Variants in DIO2 observed in about 807,000 individuals in gnomAD.
The protein encoded by DIO2 is type II iodothyronine deiodinase.
DIO2 carries 19 observed loss-of-function variants against 21.4 expected under a neutral mutation model. That is an observed-to-expected ratio of 0.89 (90% confidence interval 0.62 to 1.30). DIO2 has a LOEUF of 1.30. DIO2 is among the 50% of genes most tolerant of loss of function. The pLI, the probability that DIO2 is intolerant of heterozygous loss-of-function variation, is 0.00. For missense variants in DIO2, 302 were observed against 338.1 expected, an observed-to-expected ratio of 0.89 and a Z score of 0.84; for synonymous variants, 122 against 132.9, an observed-to-expected ratio of 0.92 and a Z score of 0.57.
intron 1 of DIO2, among the ~76,000 whole-genome samples, chr14:80,203,961 C>T (rs1462239227): frequency 6.6e-6 from 1 of 152,150 alleles, no homozygotes; most frequent in East Asian, 1.9e-4. Context: ...AACTGGAGGA[C>T]AACATGAGAA....
At chr14:80,223,309 C>T (rs1888504180) in intron 2 of DIO2, among the ~76,000 whole-genome samples, 1 of 152,160 alleles carries the variant, frequency 6.6e-6, no homozygotes, top group Non-Finnish European at 1.5e-5. Flanking sequence ...GATGAAGTTA[C>T]ATACCTTGTC....
rs531919830 is a variant in DIO2, at chr14:80,198,771, G to GGAAAA, written c.*3917_*3918insTTTTC. On this transcript the variant is annotated 3_prime_UTR_variant, in exon 2 of 2. Transcript: ENST00000438257. ...CTGACTTTTGGCCATACCATTTAGGGAAAAAAAAAAAAAAAAAAAAACCTC... is the reference window on the plus strand; with the variant it reads ...CTGACTTTTGGCCATACCATTTAGGGGAAAAAAAAAAAAAAAAAAAAAAAAACCTC... 9.6e-6 allele frequency: 1 copy of GGAAAA among 104,142 alleles called. No homozygotes were observed. 6.5% of individuals were successfully genotyped at this position (104,142 alleles called of 1,614,324 possible).
At chr14:80,222,604 T>C (rs1041909675) in intron 2 of DIO2, among the ~76,000 whole-genome samples, 2 of 152,216 alleles carry the variant, frequency 1.3e-5, no homozygotes, top group Non-Finnish European at 2.9e-5. Context: ...TTCTTGAATG[T>C]TTTAGTTAGC....
rs1234558372 is a variant in DIO2 at position 80,199,569 on chromosome 14, T to C, written c.*3120A>G. On this transcript the variant is annotated 3_prime_UTR_variant, in exon 2 of 2. Transcript: ENST00000438257. ...ATTACTGTGCGGGCATCTCCATTCA[T>C]GCCCATTCAAGAAAATCATTGTTGA... 1 of 152,410 alleles carries C rather than the reference T, an allele frequency of 6.6e-6. No homozygotes were observed. The highest frequency in any genetic ancestry group is 1.5e-5 in the Non-Finnish European group (1 of 68,024). The allele number at this position is 152,410 out of a possible 1,614,324, so 9.4% of individuals were successfully genotyped here.
chr14:80,207,286 A>G (rs923917596), intron 1 of DIO2, among the ~76,000 whole-genome samples: 1 of 152,226 alleles, frequency 6.6e-6, no homozygotes, highest in South Asian at 2.1e-4. Context: ...TGTTCAGTGC[A>G]TGGGGAAAAA....
intron 2 of DIO2, among the ~76,000 whole-genome samples, chr14:80,229,988 G>C (rs555389118): frequency 6.6e-6 from 1 of 152,164 alleles, no homozygotes; most frequent in Non-Finnish European, 1.5e-5. Context: ...AAGCAAACAG[G>C]GGTGTTGGGG....
chr14:80,206,274 T>C (rs1887953429), intron 1 of DIO2: 1 of 1,584,748 alleles, frequency 6.3e-7, no homozygotes, highest in Non-Finnish European at 8.6e-7. Context: ...TCTGCTTTTA[T>C]AAGCTTCATA....
intron 2 of DIO2, among the ~76,000 whole-genome samples, chr14:80,224,437 A>G (rs759784920): frequency 2.0e-5 from 3 of 151,704 alleles, no homozygotes; most frequent in Non-Finnish European, 4.4e-5. Context: ...ATCCTAGATT[A>G]TCTGAAGGTC....
At chr14:80,211,144 T>C (rs570685629) in intron 1 of DIO2, 107 bp downstream of exon 1, 30 of 1,080,966 alleles carry the variant, frequency 2.8e-5, no homozygotes, top group African/African-American at 2.5e-4. Context: ...ACCCCACAAA[T>C]AGGGCTTCAC....
intron 2 of DIO2, among the ~76,000 whole-genome samples, chr14:80,230,097 A>C (rs976113435): frequency 6.6e-6 from 1 of 152,128 alleles, no homozygotes; most frequent in East Asian, 1.9e-4. Context: ...CTCCTCAGAC[A>C]AAGGTGGAAA....
intron 2 of DIO2, among the ~76,000 whole-genome samples, chr14:80,218,250 A>C (rs1398989730): frequency 6.6e-6 from 1 of 151,914 alleles, no homozygotes; most frequent in Non-Finnish European, 1.5e-5. Flanking sequence ...AAAAAAAAAC[A>C]GATCCTGGCA....
At chr14:80,214,918 G>A (rs1265871782), upstream of DIO2, among the ~76,000 whole-genome samples, 1 of 152,012 alleles carries the variant, frequency 6.6e-6, no homozygotes. Flanking sequence ...TTTCTTTAAT[G>A]TCTGTTATGG....
chr14:80,218,343 G>C (rs909713121), intron 2 of DIO2, among the ~76,000 whole-genome samples: 1 of 152,010 alleles, frequency 6.6e-6, no homozygotes, highest in Non-Finnish European at 1.5e-5. Flanking sequence ...GTAGAAAATA[G>C]AAAAAATTAT....
In DIO2 at chr14:80,201,885, T is replaced by G. The variant is rs1887739455; in HGVS notation, c.*804A>C. On this transcript the variant is annotated 3_prime_UTR_variant, in exon 2 of 2. Transcript: ENST00000438257. ...GCTCCTTCTTCTTTTTCTGGCCTTG[T>G]GTATGTTTCTATGTTTCCGTGGCTA... 1.3e-5 allele frequency: 2 copies of G among 154,098 alleles called. No individual in the cohort carries two copies. The highest frequency in any genetic ancestry group is 1.3e-4 in the Admixed American group (2 of 15,458). The allele number at this position is 154,098 out of a possible 1,614,324, so 9.5% of individuals were successfully genotyped here.
At chr14:80,231,010 A>G (rs1352711087) in intron 2 of DIO2, 1 of 152,216 alleles carries the variant, frequency 6.6e-6, no homozygotes, top group East Asian at 1.9e-4. Flanking sequence ...GGCAGGAAGC[A>G]TCCAGCACTG....
At chr14:80,217,077 T>A (rs1300303380) in intron 2 of DIO2, among the ~76,000 whole-genome samples, 1 of 152,140 alleles carries the variant, frequency 6.6e-6, no homozygotes, top group Non-Finnish European at 1.5e-5. Flanking sequence ...CCCTCAAGAA[T>A]CAGTACACTA....
At chr14:80,209,161 G>A (rs1212223367) in intron 1 of DIO2, among the ~76,000 whole-genome samples, 2 of 152,034 alleles carry the variant, frequency 1.3e-5, no homozygotes, top group South Asian at 2.1e-4. Flanking sequence ...TATTGAAGAC[G>A]TATTTGTTTG....
At chr14:80,216,458 GC>G (rs1374035252), upstream of DIO2, among the ~76,000 whole-genome samples, 1 of 152,104 alleles carries the variant, frequency 6.6e-6, no homozygotes, top group African/African-American at 2.4e-5. Context: ...CACATTGATA[GC>G]CAATCCCCTC....
intron 1 of DIO2, among the ~76,000 whole-genome samples, chr14:80,208,833 G>A (rs1036807095): frequency 2.6e-5 from 4 of 152,206 alleles, no homozygotes; most frequent in African/African-American, 9.7e-5. Context: ...CCATCATTCA[G>A]TTGCAGCTGT....
Sources: gnomAD v4.1 joint callset for allele counts (sites outside exome capture counted in the v4.1 genomes callset) on GRCh38, gnomAD v4.1.1 for gene constraint, MANE v1.5 for transcripts, NCBI Gene and HGNC (gene_info 2026-07-23, HGNC 2026-07-21) for gene names.